TUBGCP4: variants seen among roughly 807,000 people sequenced by gnomAD.
TUBGCP4 encodes the protein gamma-tubulin complex component 4.
A neutral mutation model predicts 91.6 loss-of-function variants in TUBGCP4; 54 were observed. That is an observed-to-expected ratio of 0.59 (90% confidence interval 0.47 to 0.74). The LOEUF (loss-of-function observed/expected upper bound fraction) is 0.74. TUBGCP4 is among the 30% of genes least tolerant of loss of function. The probability of loss-of-function intolerance (pLI) is 0.00; values close to 1 mark genes in which losing one functional copy is unlikely to be tolerated. For missense variants in TUBGCP4, 593 were observed against 800.9 expected (o/e 0.74, Z 3.13); for synonymous variants, 297 against 302.8 (o/e 0.98, Z 0.20).
At chr15:43,398,819 C>G (rs1384119023) in intron 13 of TUBGCP4, among the ~76,000 whole-genome samples, 1 of 152,174 alleles carries the variant, frequency 6.6e-6, no homozygotes, top group East Asian at 1.9e-4. Flanking sequence ...CCTTCAGTAA[C>G]CAGCAACATT....
At chr15:43,393,601 C>T (rs1278718246) in intron 9 of TUBGCP4, among the ~76,000 whole-genome samples, 1 of 151,994 alleles carries the variant, frequency 6.6e-6, no homozygotes, top group African/African-American at 2.4e-5. Context: ...CCCCGGTCCC[C>T]CCACCCTACA....
Position 43,406,990 on chromosome 15 carries a change from C to T in TUBGCP4, c.*1776C>T, listed in dbSNP as rs556829218. ...TTTTGGCACAACTGTTAATCTGGGC[C>T]TTCACCTACCTTAAACTGAGTTTCT... On this transcript the variant is annotated 3_prime_UTR_variant, in exon 18 of 18. Coordinates refer to ENST00000564079, the MANE Select transcript of TUBGCP4 (RefSeq NM_014444.5). The T allele has an allele frequency of 5.6e-5, 13 of 233,956 alleles. No individual in the cohort carries two copies. In the South Asian group the frequency reaches 7.7e-4, roughly 14 times the overall value. 14.5% of individuals were successfully genotyped at this position (233,956 alleles called of 1,614,324 possible).
intron 1 of TUBGCP4, among the ~76,000 whole-genome samples, chr15:43,372,306 G>C (rs2044136201): frequency 1.3e-5 from 2 of 152,122 alleles, no homozygotes; most frequent in Admixed American, 1.3e-4. Flanking sequence ...TTAGGAGACT[G>C]TGGAAGAGCA....
chr15:43,376,679 T>C (rs1359857234), intron 3 of TUBGCP4, 54 bp downstream of exon 3: 1 of 1,608,932 alleles, frequency 6.2e-7, no homozygotes, highest in Non-Finnish European at 8.5e-7. Flanking sequence ...TAGGGCATGT[T>C]CTTGAATCTG....
chr15:43,404,559 G>C lies in TUBGCP4; in HGVS notation c.1988+7G>C, dbSNP rs774178560. On this transcript the variant is annotated splice_region_variant and intron_variant, in intron 17 of 17. Coordinates refer to ENST00000564079, the MANE Select transcript of TUBGCP4 (RefSeq NM_014444.5). ...CTGGTGGAACTCTGGGCAGGTAGGA[G>C]CAACCCTTGGGTAACTCAGTAGACT... The C allele has an allele frequency of 1.5e-5, 24 of 1,613,782 alleles. No homozygotes were observed. The highest frequency in any genetic ancestry group is 1.9e-5 in the Non-Finnish European group (23 of 1,179,874).
intron 1 of TUBGCP4, among the ~76,000 whole-genome samples, chr15:43,375,182 C>T (rs117282939): frequency 3.9e-5 from 6 of 152,310 alleles, no homozygotes; most frequent in East Asian, 1.9e-4. Flanking sequence ...GGATTACAGG[C>T]GTGAGCAATT....
chr15:43,407,626 TAGAA>T lies in TUBGCP4; in HGVS notation c.*2416_*2419del, dbSNP rs2044952019. On this transcript the variant is annotated 3_prime_UTR_variant, in exon 18 of 18. Coordinates refer to ENST00000564079, the MANE Select transcript of TUBGCP4 (RefSeq NM_014444.5). The stretch of plus-strand genomic sequence containing the variant: ...AAGGACACTCAACTTAGCCCTCCAT[TAGAA>T]AGAGAGATTTGATTCTAACCAATAC... 13 of 1,516,094 alleles carry T rather than the reference TAGAA, an allele frequency of 8.6e-6. No individual in the cohort carries two copies. Among genetic ancestry groups the T allele is most frequent in the South Asian group, 1.2e-5 (1 of 81,532 alleles). 93.9% of individuals were successfully genotyped at this position (1,516,094 alleles called of 1,614,324 possible).
At chr15:43,402,572 G>C (rs2044709197) in intron 15 of TUBGCP4, 1 of 152,138 alleles carries the variant, frequency 6.6e-6, no homozygotes, top group Non-Finnish European at 1.5e-5. Context: ...TTTCTCTCTC[G>C]ATCTATGTAT....
chr15:43,400,608 C>T (rs948827517), intron 14 of TUBGCP4, among the ~76,000 whole-genome samples: 5 of 152,022 alleles, frequency 3.3e-5, no homozygotes, highest in African/African-American at 1.2e-4. Context: ...CTTTGTTGCC[C>T]AGGCTGGTCT....
At chr15:43,378,960 A>T (rs1314775786) in intron 5 of TUBGCP4, among the ~76,000 whole-genome samples, 1 of 152,234 alleles carries the variant, frequency 6.6e-6, no homozygotes, top group Non-Finnish European at 1.5e-5. Flanking sequence ...CATTCTAGGC[A>T]AATAGAGTTA....
At chr15:43,385,387 T>A (rs1442993980) in intron 7 of TUBGCP4, 2 of 457,734 alleles carry the variant, frequency 4.4e-6, no homozygotes, top group Non-Finnish European at 8.8e-6. Flanking sequence ...ACGATGTGAT[T>A]GTATAGGAAG....
At chr15:43,372,209 T>A (rs1452176415) in intron 1 of TUBGCP4, among the ~76,000 whole-genome samples, 1 of 152,174 alleles carries the variant, frequency 6.6e-6, no homozygotes, top group African/African-American at 2.4e-5. Flanking sequence ...ATGAGCAAAC[T>A]GAAGCTCAGA....
intron 12 of TUBGCP4, 149 bp from the exon 13 acceptor site, chr15:43,397,892 A>G: frequency 1.4e-6 from 1 of 722,074 alleles, no homozygotes; most frequent in Non-Finnish European, 2.2e-6. Context: ...ATGTATTTTT[A>G]GTAGAGATGG....
At chr15:43,382,536 C>A (rs756526195) in intron 6 of TUBGCP4, among the ~76,000 whole-genome samples, 2 of 152,190 alleles carry the variant, frequency 1.3e-5, no homozygotes, top group African/African-American at 4.8e-5. Context: ...TATAATGTTT[C>A]ACAATCTGGA....
Position 43,407,211 on chromosome 15 carries a change from C to T in TUBGCP4, c.*1997C>T. ...CTCAAAAAAACAGATGAAGAAATCCCAGTTACTACAACCAAAGAGATTCAA... is the reference window on the plus strand; with the variant it reads ...CTCAAAAAAACAGATGAAGAAATCCTAGTTACTACAACCAAAGAGATTCAA... On this transcript the variant is annotated 3_prime_UTR_variant, in exon 18 of 18. Coordinates refer to ENST00000564079, the MANE Select transcript of TUBGCP4 (RefSeq NM_014444.5). 3.3e-6 allele frequency: 2 copies of T among 604,580 alleles called. No homozygotes were observed. The highest frequency in any genetic ancestry group is 5.7e-6 in the Non-Finnish European group (2 of 349,910). 37.5% of individuals were successfully genotyped at this position (604,580 alleles called of 1,614,324 possible).
chr15:43,398,002 T>C, intron 12 of TUBGCP4, 39 bp from the exon 13 acceptor site: 1 of 1,585,568 alleles, frequency 6.3e-7, no homozygotes, highest in South Asian at 1.1e-5. Context: ...TTAACCAAGT[T>C]GTTATCTTTT....
At chr15:43,382,341 G>A (rs1451579228) in intron 6 of TUBGCP4, among the ~76,000 whole-genome samples, 1 of 152,118 alleles carries the variant, frequency 6.6e-6, no homozygotes, top group Non-Finnish European at 1.5e-5. Flanking sequence ...TTTTCTAGTT[G>A]TCCCTCAGAA....
In TUBGCP4 at chr15:43,407,611, A is replaced by C; in HGVS notation, c.*2397A>C. 6.4e-7 allele frequency: 1 copy of C among 1,561,200 alleles called. No individual in the cohort carries two copies. Among genetic ancestry groups the C allele is most frequent in the Non-Finnish European group, 8.7e-7 (1 of 1,144,056 alleles). On this transcript the variant is annotated 3_prime_UTR_variant, in exon 18 of 18. Coordinates refer to ENST00000564079, the MANE Select transcript of TUBGCP4 (RefSeq NM_014444.5). ...GAAAGTGAAGAAGGAAAGGACACTC[A>C]ACTTAGCCCTCCATTAGAAAGAGAG...
At chr15:43,381,516 C>G (rs940455980) in intron 6 of TUBGCP4, among the ~76,000 whole-genome samples, 1 of 152,072 alleles carries the variant, frequency 6.6e-6, no homozygotes, top group Non-Finnish European at 1.5e-5. Flanking sequence ...GCAGAGGGAT[C>G]GCTTGAGCCC....
Sources: gnomAD v4.1 joint callset for allele counts (sites outside exome capture counted in the v4.1 genomes callset) on GRCh38, gnomAD v4.1.1 for gene constraint, MANE v1.5 for transcripts, NCBI Gene and HGNC (gene_info 2026-07-23, HGNC 2026-07-21) for gene names.